The following TNFSF8 variants were observed in gnomAD, a reference collection of about 807,000 sequenced individuals.
TNFSF8 encodes tumor necrosis factor ligand superfamily member 8.
A neutral mutation model predicts 22.0 loss-of-function variants in TNFSF8; 4 were observed. The ratio of observed to expected loss-of-function variants is 0.18; its 90% CI spans 0.09 to 0.42. The LOEUF (loss-of-function observed/expected upper bound fraction) is 0.42. Ranked by LOEUF, TNFSF8 falls within the 10% of genes least tolerant of loss-of-function variation. The pLI is 1.00. For missense variants in TNFSF8, 233 were observed against 281.8 expected (o/e 0.83, Z 1.24); for synonymous variants, 106 against 112.5 (o/e 0.94, Z 0.37).
In TNFSF8 at chr9:114,902,408, C is replaced by T. The variant is rs1026521905; in HGVS notation, c.*1523G>A. 2 of 985,330 alleles carry T rather than the reference C, an allele frequency of 2.0e-6. No individual in the cohort carries two copies. The highest frequency in any genetic ancestry group is 1.7e-5 in the African/African-American group (1 of 57,246). The allele number at this position is 985,330 out of a possible 1,614,324, so 61.0% of individuals were successfully genotyped here. Reference sequence around the variant, plus strand: ...TTGCACACTGATTGTTTGCTAAAGGCACAATGCTTTCCTGACCAGAAATGA... The same window carrying T: ...TTGCACACTGATTGTTTGCTAAAGGTACAATGCTTTCCTGACCAGAAATGA... On this transcript the variant is annotated 3_prime_UTR_variant, in exon 4 of 4. Transcript: ENST00000223795.
chr9:114,904,486 A>G (rs1401065643), intron 3 of TNFSF8, among the ~76,000 whole-genome samples, 161 bp from the exon 4 acceptor site: 1 of 152,196 alleles, frequency 6.6e-6, no homozygotes, highest in African/African-American at 2.4e-5. Flanking sequence ...GAGTCTACTT[A>G]TTACTCAAGG....
chr9:114,917,699 T>C (rs1827936558), intron 2 of TNFSF8, among the ~76,000 whole-genome samples: 1 of 152,210 alleles, frequency 6.6e-6, no homozygotes. Flanking sequence ...CTCCAATACC[T>C]TGATGAGGTG....
At chr9:114,900,507 G>A (rs920028595), downstream of TNFSF8, among the ~76,000 whole-genome samples, 1 of 152,184 alleles carries the variant, frequency 6.6e-6, no homozygotes, top group African/African-American at 2.4e-5. Context: ...GCCTCCTATA[G>A]CCTTTCTGCA....
chr9:114,899,270 A>G (rs1188728738), downstream of TNFSF8, among the ~76,000 whole-genome samples: 2 of 152,154 alleles, frequency 1.3e-5, no homozygotes, highest in African/African-American at 4.8e-5. Flanking sequence ...GCACACTAGA[A>G]TAGTATTTTG....
At chr9:114,893,358 C>T (rs951611727) in exon 5 of TNFSF8, 1 of 152,222 alleles carries the variant, frequency 6.6e-6, no homozygotes, top group Admixed American at 6.5e-5. Context: ...TCCAATAAAA[C>T]TTTATTTACA....
exon 5 of TNFSF8, chr9:114,893,356 A>C (rs974801181): frequency 2.0e-5 from 3 of 152,202 alleles, no homozygotes; most frequent in Non-Finnish European, 4.4e-5. Flanking sequence ...GTTCCAATAA[A>C]ACTTTATTTA....
At chr9:114,907,019 A>G (rs1322054) in intron 2 of TNFSF8, among the ~76,000 whole-genome samples, 86,801 of 152,046 alleles carry the variant, frequency 0.57, 26,713 homozygotes, top group African/African-American at 0.8. Flanking sequence ...ACCCTGGGAT[A>G]TTTGCTCACT....
At chr9:114,906,159 T>A (rs957907238) in intron 2 of TNFSF8, among the ~76,000 whole-genome samples, 1 of 152,210 alleles carries the variant, frequency 6.6e-6, no homozygotes, top group African/African-American at 2.4e-5. Context: ...AAATATGACA[T>A]CCATTCCTAT....
chr9:114,910,935 C>A (rs1827845276), intron 2 of TNFSF8, among the ~76,000 whole-genome samples: 3 of 152,324 alleles, frequency 2.0e-5, no homozygotes, highest in Non-Finnish European at 4.4e-5. Flanking sequence ...TGAGCCTCAG[C>A]TGCCACATCC....
chr9:114,918,075 C>T (rs2131347160), intron 2 of TNFSF8, 21 bp downstream of exon 2: 2 of 1,593,036 alleles, frequency 1.3e-6, no homozygotes, highest in East Asian at 4.5e-5. Context: ...TACACATTTA[C>T]ACCTAATTCC....
At chr9:114,912,930 G>A (rs949098614) in intron 2 of TNFSF8, among the ~76,000 whole-genome samples, 1 of 152,208 alleles carries the variant, frequency 6.6e-6, no homozygotes, top group Non-Finnish European at 1.5e-5. Flanking sequence ...AATTGCAAAT[G>A]TTAGAATGTT....
At chr9:114,924,501 T>A (rs556713898) in intron 1 of TNFSF8, among the ~76,000 whole-genome samples, 23 of 152,314 alleles carry the variant, frequency 1.5e-4, no homozygotes, top group Non-Finnish European at 2.9e-4. Context: ...GAAGTACATG[T>A]GAGTGAAAGG....
intron 2 of TNFSF8, among the ~76,000 whole-genome samples, chr9:114,909,017 G>T (rs1239352297): frequency 6.6e-6 from 1 of 152,190 alleles, no homozygotes; most frequent in Non-Finnish European, 1.5e-5. Context: ...TTTCTCAGAT[G>T]CAGCAATGGA....
chr9:114,901,062 A>T, downstream of TNFSF8: 1 of 984,610 alleles, frequency 1.0e-6, no homozygotes, highest in Non-Finnish European at 1.2e-6. Flanking sequence ...TGTGGTGGGG[A>T]GGTGGGGTTC....
intron 2 of TNFSF8, among the ~76,000 whole-genome samples, chr9:114,910,522 A>T (rs1309701376): frequency 1.3e-5 from 2 of 152,146 alleles, no homozygotes. Flanking sequence ...TTCCTGTGGA[A>T]TAGGAAGGGT....
chr9:114,893,940 T>G, exon 5 of TNFSF8: 1 of 677,338 alleles, frequency 1.5e-6, no homozygotes, highest in South Asian at 1.7e-5. Context: ...TGATTCTGTT[T>G]GTGGGGGGTG....
At chr9:114,917,575 CTG>C (rs1279334365) in intron 2 of TNFSF8, among the ~76,000 whole-genome samples, 1 of 152,254 alleles carries the variant, frequency 6.6e-6, no homozygotes, top group East Asian at 1.9e-4. Context: ...AGGAGGAAGT[CTG>C]TTTTCACAAG....
chr9:114,905,970 C>G (rs1827780373), intron 2 of TNFSF8, 71 bp from the exon 3 acceptor site: 7 of 998,270 alleles, frequency 7.0e-6, no homozygotes, highest in Non-Finnish European at 1.1e-5. Context: ...TGATCTTTTT[C>G]TACAACACTT....
chr9:114,894,150 T>A, exon 5 of TNFSF8: 1 of 1,534,982 alleles, frequency 6.5e-7, no homozygotes, highest in Non-Finnish European at 8.7e-7. Flanking sequence ...TGGTGGAGGA[T>A]CATGCCACAG....
Sources: allele counts gnomAD v4.1 joint callset (sites outside exome capture counted in the v4.1 genomes callset), GRCh38; gene constraint gnomAD v4.1.1; transcripts MANE v1.5; gene names NCBI Gene and HGNC (gene_info 2026-07-23, HGNC 2026-07-21).